The following PTPRM variants were observed in gnomAD, a reference collection of about 807,000 sequenced individuals.
The protein encoded by PTPRM is receptor-type tyrosine-protein phosphatase mu.
PTPRM carries 47 observed loss-of-function variants against 186.7 expected under a neutral mutation model. The observed-to-expected ratio is 0.25, with a 90% CI of 0.20 to 0.32. The LOEUF (loss-of-function observed/expected upper bound fraction) is 0.32, where lower values mean the gene tolerates loss of function less well. Among genes scored for constraint, PTPRM ranks in the 10% least tolerant of loss-of-function variants. The probability of loss-of-function intolerance (pLI) is 1.00; values close to 1 mark genes in which losing one functional copy is unlikely to be tolerated. For missense variants in PTPRM, 1,494 were observed against 1,865.0 expected, an observed-to-expected ratio of 0.80 and a Z score of 3.66; for synonymous variants, 668 against 674.9, an observed-to-expected ratio of 0.99 and a Z score of 0.16.
At chr18:7,694,431 CTT>C (rs11369001) in intron 1 of PTPRM, among the ~76,000 whole-genome samples, 1 of 138,346 alleles carries the variant, frequency 7.2e-6, no homozygotes. Context: ...TCCTTCCTTC[CTT>C]TTTTTTTTTT....
chr18:8,291,762 T>C (rs1278550796), intron 19 of PTPRM, among the ~76,000 whole-genome samples: 1 of 151,710 alleles, frequency 6.6e-6, no homozygotes, highest in Non-Finnish European at 1.5e-5. Flanking sequence ...AATTGCATAG[T>C]AAAGTTACAC....
chr18:7,640,511 A>G (rs895290613), intron 1 of PTPRM, among the ~76,000 whole-genome samples: 1 of 152,090 alleles, frequency 6.6e-6, no homozygotes, highest in Non-Finnish European at 1.5e-5. Flanking sequence ...TATATATATG[A>G]CTGGGAAATC....
intron 1 of PTPRM, among the ~76,000 whole-genome samples, chr18:7,764,906 C>G (rs540108490): frequency 6.6e-6 from 1 of 152,310 alleles, no homozygotes; most frequent in African/African-American, 2.4e-5. Flanking sequence ...CTCTCGTTTT[C>G]ACTATTGTGG....
intron 9 of PTPRM, among the ~76,000 whole-genome samples, chr18:8,084,475 T>C (rs944928523): frequency 3.9e-5 from 6 of 152,166 alleles, no homozygotes; most frequent in Admixed American, 3.9e-4. Context: ...TCCAATAGTG[T>C]CATGCAGTGC....
Position 8,289,551 on chromosome 18 carries a change from C to CACATATATATATACAT in PTPRM, c.2755-6816_2755-6815insCATATATATATACATA, listed in dbSNP as rs1318286908. Reference sequence around the variant, plus strand: ...ATATATATACACATATATATATATACATATATATACACATATATATATATA... The same window carrying CACATATATATATACAT: ...ATATATATACACATATATATATATACACATATATATATACATATATATATACACATATATATATATA... On this transcript the variant is annotated intron_variant, in intron 19 of 32. Transcript: ENST00000580170. Among the ~76,000 whole-genome samples, 132 of 77,536 alleles carry CACATATATATATACAT rather than the reference C, an allele frequency of 1.7e-3. 2 individuals carry two copies. The highest frequency in any genetic ancestry group is 0.01 in the African/African-American group (124 of 12,090). The allele number at this position is 77,536 out of a possible 152,430, so 50.9% of individuals were successfully genotyped here.
intron 19 of PTPRM, among the ~76,000 whole-genome samples, chr18:8,294,639 G>T (rs188182236): frequency 6.6e-6 from 1 of 152,262 alleles, no homozygotes; most frequent in Non-Finnish European, 1.5e-5. Context: ...CATAGTGTGA[G>T]TCTGTTAATA....
intron 19 of PTPRM, among the ~76,000 whole-genome samples, chr18:8,269,267 TGAA>T (rs944160694): frequency 2.0e-5 from 3 of 151,456 alleles, no homozygotes; most frequent in Admixed American, 6.6e-5. Context: ...TATTTGAAAA[TGAA>T]GAGGAAAAAT....
intron 22 of PTPRM, among the ~76,000 whole-genome samples, chr18:8,333,778 C>A (rs990514697): frequency 1.3e-5 from 2 of 152,142 alleles, no homozygotes; most frequent in African/African-American, 4.8e-5. Context: ...AGGAGGGAGC[C>A]CAGGTTTCCT....
At chr18:7,603,421 G>C (rs1167452473) in intron 1 of PTPRM, among the ~76,000 whole-genome samples, 1 of 152,228 alleles carries the variant, frequency 6.6e-6, no homozygotes, top group Non-Finnish European at 1.5e-5. Flanking sequence ...GCTAACGTTT[G>C]CAGGGCCCCT....
At chr18:8,371,393 T>C (rs913372697) in intron 24 of PTPRM, among the ~76,000 whole-genome samples, 2 of 152,204 alleles carry the variant, frequency 1.3e-5, no homozygotes, top group African/African-American at 4.8e-5. Flanking sequence ...CATTTTCCAG[T>C]AGGGAGTTAG....
intron 1 of PTPRM, among the ~76,000 whole-genome samples, chr18:7,765,180 A>G (rs1230676578): frequency 1.3e-5 from 2 of 152,174 alleles, no homozygotes; most frequent in Non-Finnish European, 2.9e-5. Context: ...CTTTTAAAAA[A>G]TTAGGAATCC....
At chr18:7,777,064 C>T (rs1371394400) in intron 2 of PTPRM, among the ~76,000 whole-genome samples, 1 of 152,110 alleles carries the variant, frequency 6.6e-6, no homozygotes, top group Non-Finnish European at 1.5e-5. Context: ...CATGCTAAAA[C>T]AGAAATGACT....
chr18:7,846,430 A>G (rs1397804302), intron 2 of PTPRM, among the ~76,000 whole-genome samples: 1 of 152,246 alleles, frequency 6.6e-6, no homozygotes, highest in Non-Finnish European at 1.5e-5. Context: ...TGTATTTGCT[A>G]TAACGAGTAA....
intron 7 of PTPRM, among the ~76,000 whole-genome samples, chr18:7,989,742 C>T (rs1403345504): frequency 1.3e-5 from 2 of 152,114 alleles, no homozygotes; most frequent in African/African-American, 4.8e-5. Flanking sequence ...TATAAGTTTC[C>T]AGAATAGGAA....
chr18:8,245,245 C>T lies in PTPRM; in HGVS notation c.2452+1036C>T, dbSNP rs985983789. ...CCCTGAGCTTTGCGTTTCTCGTACACGCGGCTGAGCTCCGAATTCAGTCTT... is the reference window on the plus strand; with the variant it reads ...CCCTGAGCTTTGCGTTTCTCGTACATGCGGCTGAGCTCCGAATTCAGTCTT... On this transcript the variant is annotated intron_variant, in intron 15 of 32. Transcript: ENST00000580170. 2.6e-5 allele frequency among the ~76,000 whole-genome samples: 4 copies of T among 152,114 alleles called. No individual in the cohort carries two copies. In the South Asian group the frequency reaches 6.2e-4, roughly 24 times the overall value.
chr18:8,226,270 TC>T lies in PTPRM; in HGVS notation c.2301-17781del, dbSNP rs1322584032. Among the ~76,000 whole-genome samples the T allele has an allele frequency of 7.8e-5, 10 of 127,814 alleles. No homozygotes were observed. In the South Asian group the frequency reaches 2.8e-3, roughly 35 times the overall value. 83.9% of individuals were successfully genotyped at this position (127,814 alleles called of 152,430 possible). ...CATCATTCCCACCTAGCCCCCAATA[TC>T]CCCCCCACACACATACATACAAACA... On this transcript the variant is annotated intron_variant, in intron 14 of 32. Coordinates refer to ENST00000580170, the MANE Select transcript of PTPRM (RefSeq NM_001105244.2).
intron 1 of PTPRM, among the ~76,000 whole-genome samples, chr18:7,622,343 C>A (rs2037960484): frequency 6.6e-6 from 1 of 151,982 alleles, no homozygotes; most frequent in South Asian, 2.1e-4. Context: ...CCTCTCACAC[C>A]CTCCTTACCA....
At chr18:8,335,014 T>C (rs2148191302) in intron 22 of PTPRM, among the ~76,000 whole-genome samples, 1 of 152,344 alleles carries the variant, frequency 6.6e-6, no homozygotes, top group Non-Finnish European at 1.5e-5. Context: ...AAACACTTCT[T>C]CCTCTGTTTT....
chr18:8,206,263 A>ATTTTTTTTTTTTTTTTT (rs1211708621), intron 14 of PTPRM, among the ~76,000 whole-genome samples: 6 of 147,222 alleles, frequency 4.1e-5, no homozygotes, highest in African/African-American at 1.6e-4. Context: ...ATTTTATTTT[A>ATTTTTTTTTTTTTTTTT]TTTTATTTTG....
Sources: allele counts gnomAD v4.1 joint callset (sites outside exome capture counted in the v4.1 genomes callset), GRCh38; gene constraint gnomAD v4.1.1; transcripts MANE v1.5; gene names NCBI Gene and HGNC (gene_info 2026-07-23, HGNC 2026-07-21).